Variants in PRUNE2 observed in about 807,000 individuals in gnomAD.
PRUNE2 encodes protein prune homolog 2.
A neutral mutation model predicts 252.0 loss-of-function variants in PRUNE2; 164 were observed. That is an observed-to-expected ratio of 0.65 (90% CI 0.57 to 0.74). The LOEUF is 0.74. Among genes scored for constraint, PRUNE2 ranks in the 30% least tolerant of loss-of-function variants. The pLI is 0.00. For synonymous variants in PRUNE2, 1,292 were observed against 1,350.2 expected (o/e 0.96, Z 0.94); for missense variants, 3,495 against 3,711.0 (o/e 0.94, Z 1.51).
intron 9 of PRUNE2, chr9:76,692,238 C>T (rs966413284): frequency 5.7e-5 from 40 of 701,012 alleles, no homozygotes; most frequent in Non-Finnish European, 8.8e-5. Flanking sequence ...ACCTGCCTCC[C>T]AGATCTCCCC....
At chr9:76,792,006 G>C (rs560809288) in intron 6 of PRUNE2, among the ~76,000 whole-genome samples, 40 of 152,300 alleles carry the variant, frequency 2.6e-4, no homozygotes, top group African/African-American at 9.4e-4. Flanking sequence ...AGGAGGGTCT[G>C]AGAAAGTAGA....
intron 6 of PRUNE2, among the ~76,000 whole-genome samples, chr9:76,810,651 C>G (rs567727847): frequency 6.6e-6 from 1 of 152,344 alleles, no homozygotes; most frequent in African/African-American, 2.4e-5. Context: ...CTATCCTACA[C>G]AGTAACTATC....
intron 7 of PRUNE2, among the ~76,000 whole-genome samples, chr9:76,713,076 CT>C (rs77632357): frequency 0.014 from 2,111 of 145,710 alleles, 46 homozygotes; most frequent in African/African-American, 0.047. Flanking sequence ...TTATCTAATT[CT>C]TTTTTTTTTT....
chr9:76,832,230 T>C (rs1040032764), intron 4 of PRUNE2, among the ~76,000 whole-genome samples: 5 of 152,122 alleles, frequency 3.3e-5, no homozygotes, highest in African/African-American at 9.7e-5. Flanking sequence ...TGCAAAAATA[T>C]AGAACGTTTG....
intron 6 of PRUNE2, among the ~76,000 whole-genome samples, chr9:76,752,811 G>A (rs2050751965): frequency 6.6e-6 from 1 of 152,140 alleles, no homozygotes; most frequent in South Asian, 2.1e-4. Flanking sequence ...ATTTGATCCA[G>A]CAGTTGGTTA....
intron 9 of PRUNE2, among the ~76,000 whole-genome samples, chr9:76,661,481 G>T (rs1851404979): frequency 6.6e-6 from 1 of 152,198 alleles, no homozygotes; most frequent in Non-Finnish European, 1.5e-5. Flanking sequence ...GACCTCAGGT[G>T]ATCTGCCTGC....
intron 4 of PRUNE2, among the ~76,000 whole-genome samples, chr9:76,828,951 A>G (rs2058505008): frequency 7.1e-6 from 1 of 140,282 alleles, no homozygotes; most frequent in Non-Finnish European, 1.5e-5. Flanking sequence ...TGGGAGGCGG[A>G]GGTTGCAGTG....
intron 9 of PRUNE2, among the ~76,000 whole-genome samples, chr9:76,695,711 C>T (rs1029105599): frequency 2.0e-5 from 3 of 152,202 alleles, no homozygotes; most frequent in African/African-American, 7.2e-5. Flanking sequence ...AGCAAACTAC[C>T]CTTTCTTTTC....
chr9:76,771,562 T>A (rs1399448369), intron 6 of PRUNE2, among the ~76,000 whole-genome samples: 1 of 152,214 alleles, frequency 6.6e-6, no homozygotes, highest in East Asian at 1.9e-4. Flanking sequence ...AGTGGTAGGG[T>A]AATAATGGCT....
chr9:76,738,444 G>A (rs1021381258), intron 6 of PRUNE2: 6 of 152,168 alleles, frequency 3.9e-5, no homozygotes, highest in Non-Finnish European at 7.4e-5. Context: ...GGATTTGTGG[G>A]AACAAGCTCG....
At chr9:76,694,150 T>C (rs2045129155) in intron 9 of PRUNE2, among the ~76,000 whole-genome samples, 1 of 152,158 alleles carries the variant, frequency 6.6e-6, no homozygotes, top group Admixed American at 6.5e-5. Context: ...ACAGACACTG[T>C]AACTAATTCT....
intron 4 of PRUNE2, among the ~76,000 whole-genome samples, chr9:76,843,183 T>A (rs545906331): frequency 2.6e-5 from 4 of 152,266 alleles, no homozygotes; most frequent in African/African-American, 9.6e-5. Context: ...GGGACACTGA[T>A]GAGGCTGGAA....
intron 1 of PRUNE2, among the ~76,000 whole-genome samples, chr9:76,896,316 AT>A (rs1218761153): frequency 6.6e-6 from 1 of 152,224 alleles, no homozygotes; most frequent in African/African-American, 2.4e-5. Flanking sequence ...TACAAGTATC[AT>A]CTCGCAAATA....
chr9:76,806,674 A>AT (rs750726403), intron 6 of PRUNE2, among the ~76,000 whole-genome samples: 46,876 of 134,698 alleles, frequency 0.35, 8,254 homozygotes, highest in Admixed American at 0.42. Flanking sequence ...CGCCCGGCTA[A>AT]TTTTTTTTTT....
At chr9:76,642,023 G>T in intron 12 of PRUNE2, 1 of 1,177,124 alleles carries the variant, frequency 8.5e-7, no homozygotes, top group Non-Finnish European at 1.2e-6. Context: ...AAAAAGAAAA[G>T]AAAAAGAAAA....
At chr9:76,888,266 A>G (rs1242910505) in intron 1 of PRUNE2, among the ~76,000 whole-genome samples, 1 of 152,210 alleles carries the variant, frequency 6.6e-6, no homozygotes, top group Non-Finnish European at 1.5e-5. Flanking sequence ...CATCAAATAA[A>G]GAGAAGAAAC....
chr9:76,619,814 A>G (rs1211354716), intron 17 of PRUNE2, among the ~76,000 whole-genome samples: 2 of 152,206 alleles, frequency 1.3e-5, no homozygotes, highest in African/African-American at 4.8e-5. Flanking sequence ...GGATTTCCCA[A>G]TACACTGAAA....
At chr9:76,797,073 T>C (rs558384764) in intron 6 of PRUNE2, among the ~76,000 whole-genome samples, 1 of 151,984 alleles carries the variant, frequency 6.6e-6, no homozygotes, top group South Asian at 2.1e-4. Context: ...GTGTTACTAC[T>C]GGGAGAGGAA....
chr9:76,707,791 G>C lies in PRUNE2; in HGVS notation c.4483C>G (p.Pro1495Ala). 1.2e-6 allele frequency: 2 copies of C among 1,613,322 alleles called. No homozygotes were observed. The highest frequency in any genetic ancestry group is 1.7e-6 in the Non-Finnish European group (2 of 1,179,586). ...CTGACATGCACATCACTGTCTATAG[G>C]GACGTCCCCAAAATCAAGACTTCGG... ...VPRSLDFGDVPIDSDVHVSST... is the reference protein window; with the variant it reads ...VPRSLDFGDVAIDSDVHVSST... Residue 1495 changes from proline to alanine, a missense_variant, in exon 8 of 19, where the codon CCT becomes GCT. Transcript: ENST00000376718.
Sources: gnomAD v4.1 joint callset for allele counts (sites outside exome capture counted in the v4.1 genomes callset) on GRCh38, gnomAD v4.1.1 for gene constraint, MANE v1.5 for transcripts, NCBI Gene and HGNC (gene_info 2026-07-23, HGNC 2026-07-21) for gene names.